The following INPP5D variants were observed in gnomAD, a reference collection of about 807,000 sequenced individuals.
INPP5D encodes phosphatidylinositol 3,4,5-trisphosphate 5-phosphatase 1.
INPP5D carries 33 observed loss-of-function variants against 122.9 expected under a neutral mutation model. The ratio of observed to expected loss-of-function variants is 0.27; its 90% confidence interval spans 0.20 to 0.36. The LOEUF (loss-of-function observed/expected upper bound fraction) is 0.36, where lower values mean the gene tolerates loss of function less well. Among genes scored for constraint, INPP5D ranks in the 10% least tolerant of loss-of-function variants. INPP5D has a pLI of 1.00. For missense variants in INPP5D, 1,053 were observed against 1,412.7 expected (o/e 0.75, Z 4.08); for synonymous variants, 584 against 576.2 (o/e 1.01, Z -0.19).
chr2:233,113,882 T>A (rs1488877104), intron 2 of INPP5D, among the ~76,000 whole-genome samples: 1 of 151,004 alleles, frequency 6.6e-6, no homozygotes, highest in Non-Finnish European at 1.5e-5. Context: ...AGCTTTTAAT[T>A]GCCTTTAGTG....
In INPP5D at chr2:233,197,095, CA is replaced by C. The variant is rs1214131814; in HGVS notation, c.2694-999del. ...AACGAGCATTTATTTCTGAAGCAGGCAGTGGTGGATGGGAACAAGGTACAGC... is the reference window on the plus strand; with the variant it reads ...AACGAGCATTTATTTCTGAAGCAGGCGTGGTGGATGGGAACAAGGTACAGC... On this transcript the variant is annotated intron_variant, in intron 24 of 26. Coordinates refer to ENST00000445964, the MANE Select transcript of INPP5D (RefSeq NM_001017915.3). This position sits in a 1 kb window ranked among gnomAD's most constrained non-coding sequence, Gnocchi z 4.4. Among the ~76,000 whole-genome samples, 2 of 152,180 alleles carry C rather than the reference CA, an allele frequency of 1.3e-5. No homozygotes were observed. Among genetic ancestry groups the C allele is most frequent in the East Asian group, 3.9e-4 (2 of 5,192 alleles).
In INPP5D at chr2:233,139,466, C is replaced by CTGTGTGTGTGTGTG. The variant is rs1191977468; in HGVS notation, c.666-350_666-337dup. On this transcript the variant is annotated intron_variant, in intron 5 of 26. Coordinates refer to ENST00000445964, the MANE Select transcript of INPP5D (RefSeq NM_001017915.3). The stretch of plus-strand genomic sequence containing the variant: ...GCCCAGAAATTTGCATTGTTAACAC[C>CTGTGTGTGTGTGTG]TGTGTGTGTGTGTGTGTGTGTGTGT... Among the ~76,000 whole-genome samples, 285 of 147,550 alleles carry CTGTGTGTGTGTGTG rather than the reference C, an allele frequency of 1.9e-3. 1 individual carries two copies. Among genetic ancestry groups the CTGTGTGTGTGTGTG allele is most frequent in the African/African-American group, 6.4e-3 (258 of 40,174 alleles).
chr2:233,111,208 TC>T (rs1390838866), intron 2 of INPP5D, among the ~76,000 whole-genome samples: 1 of 152,214 alleles, frequency 6.6e-6, no homozygotes, highest in South Asian at 2.1e-4. Flanking sequence ...GTAACCACAT[TC>T]AACCGTCAAA....
Position 233,198,132 on chromosome 2 carries a change from A to G in INPP5D, c.2731A>G (p.Ile911Val). Reference sequence around the variant, plus strand: ...CAGTGGCTCCAGCATCACTGAAATCATCAACCCCAACTACATGGGAGTGGG... The same window carrying G: ...CAGTGGCTCCAGCATCACTGAAATCGTCAACCCCAACTACATGGGAGTGGG... Reference protein sequence around the residue: ...PCSGSSITEIINPNYMGVGPF... With the variant: ...PCSGSSITEIVNPNYMGVGPF... Residue 911 changes from isoleucine to valine, a missense_variant, in exon 25 of 27, where the codon ATC becomes GTC. Transcript: ENST00000445964. The G allele has an allele frequency of 6.2e-7, 1 of 1,612,568 alleles. No individual in the cohort carries two copies. Among genetic ancestry groups the G allele is most frequent in the South Asian group, 1.1e-5 (1 of 91,034 alleles).
intron 2 of INPP5D, among the ~76,000 whole-genome samples, chr2:233,089,909 G>A (rs1487317026): frequency 6.6e-6 from 1 of 152,238 alleles, no homozygotes; most frequent in Non-Finnish European, 1.5e-5. Context: ...TCAAGTGGGA[G>A]GAAATGAATG....
rs559809501 is a variant in INPP5D, at chr2:233,061,044, G to A, written c.134+432G>A. On this transcript the variant is annotated intron_variant, in intron 1 of 26. Coordinates refer to ENST00000445964, the MANE Select transcript of INPP5D (RefSeq NM_001017915.3). The stretch of plus-strand genomic sequence containing the variant: ...ACCCTTCCTGGAGCACCCAGGCTTC[G>A]GGCCCCTGGAGGAAGCTGTTGTTTG... Among the ~76,000 whole-genome samples the A allele has an allele frequency of 5.3e-5, 8 of 152,322 alleles. No homozygotes were observed. In the South Asian group the frequency reaches 1.4e-3, roughly 28 times the overall value.
intron 9 of INPP5D, 122 bp downstream of exon 9, chr2:233,147,716 G>A (rs1450185612): frequency 4.1e-5 from 26 of 629,512 alleles, no homozygotes; most frequent in Non-Finnish European, 5.2e-5. Flanking sequence ...GCGCGCCTGC[G>A]CTCATGCTTT....
Position 233,105,904 on chromosome 2 carries a change from G to A in INPP5D, c.199-16203G>A, listed in dbSNP as rs577043706. ...AGGCCTGCACAGGGGATGAGATGAAGGGACAGTGGCCACTGGGAGGTCAGA... is the reference window on the plus strand; with the variant it reads ...AGGCCTGCACAGGGGATGAGATGAAAGGACAGTGGCCACTGGGAGGTCAGA... On this transcript the variant is annotated intron_variant, in intron 2 of 26. Coordinates refer to ENST00000445964, the MANE Select transcript of INPP5D (RefSeq NM_001017915.3). This position sits in a 1 kb window ranked among gnomAD's most constrained non-coding sequence, Gnocchi z 4.0. Among the ~76,000 whole-genome samples, 25 of 152,232 alleles carry A rather than the reference G, an allele frequency of 1.6e-4. No homozygotes were observed. Among genetic ancestry groups the A allele is most frequent in the African/African-American group, 6.0e-4 (25 of 41,532 alleles).
intron 1 of INPP5D, among the ~76,000 whole-genome samples, chr2:233,071,773 A>G (rs1444181511): frequency 6.6e-6 from 1 of 152,208 alleles, no homozygotes; most frequent in Non-Finnish European, 1.5e-5. Context: ...ACTATTGTGA[A>G]TACATTTTCC....
At chr2:233,092,254 C>G (rs1366958883) in intron 2 of INPP5D, among the ~76,000 whole-genome samples, 2 of 152,222 alleles carry the variant, frequency 1.3e-5, no homozygotes, top group Non-Finnish European at 1.5e-5. Context: ...CCAGGCTGCT[C>G]CCAGGGCTGG....
At position 233,188,382 on chromosome 2, in the gene INPP5D, C is replaced by CTGA. The variant is rs1694971146; in HGVS notation, c.2359-1468_2359-1467insTGA. ...AGACATTTGTTGTTCAGATGTCTGTCACCCCATTTCCACTCCATCCCAGGG... is the reference window on the plus strand; with the variant it reads ...AGACATTTGTTGTTCAGATGTCTGTCTGAACCCCATTTCCACTCCATCCCAGGG... On this transcript the variant is annotated intron_variant, in intron 21 of 26. Transcript: ENST00000445964. The surrounding 1 kb of genome is among the most constrained non-coding windows in gnomAD (Gnocchi z 4.7). 2.0e-5 allele frequency among the ~76,000 whole-genome samples: 3 copies of CTGA among 152,238 alleles called. No homozygotes were observed. In the South Asian group the frequency reaches 6.2e-4, roughly 32 times the overall value.
intron 25 of INPP5D, among the ~76,000 whole-genome samples, chr2:233,199,679 A>G (rs1014545421): frequency 6.6e-6 from 1 of 151,366 alleles, no homozygotes; most frequent in Non-Finnish European, 1.5e-5. Context: ...AATACAAAAA[A>G]TTAGCTAGAT....
At chr2:233,126,090 T>C (rs1430858691) in intron 4 of INPP5D, among the ~76,000 whole-genome samples, 171 bp downstream of exon 4, 2 of 152,140 alleles carry the variant, frequency 1.3e-5, no homozygotes, top group Non-Finnish European at 2.9e-5. Flanking sequence ...CTTTGCACCA[T>C]TGGCTTCAAG....
intron 10 of INPP5D, 47 bp downstream of exon 10, chr2:233,158,466 A>T: frequency 3.0e-6 from 2 of 677,056 alleles, no homozygotes; most frequent in Non-Finnish European, 2.7e-6. Flanking sequence ...TAGGGAGGGG[A>T]CACAAGCGTT....
At chr2:233,141,123 G>C (rs1421820550) in intron 6 of INPP5D, 1 of 152,132 alleles carries the variant, frequency 6.6e-6, no homozygotes, top group Non-Finnish European at 1.5e-5. Context: ...CTCCTCTGCT[G>C]TTGGGAATGG....
At chr2:233,148,998 T>C (rs1290795803) in intron 9 of INPP5D, among the ~76,000 whole-genome samples, 1 of 152,196 alleles carries the variant, frequency 6.6e-6, no homozygotes, top group African/African-American at 2.4e-5. Flanking sequence ...CATGCAATAT[T>C]TGGGACATAC....
chr2:233,119,479 A>G (rs1011893264), intron 2 of INPP5D, among the ~76,000 whole-genome samples: 1 of 152,096 alleles, frequency 6.6e-6, no homozygotes, highest in African/African-American at 2.4e-5. Context: ...TGCTGCTCAG[A>G]TATTTCTGGT....
In INPP5D at chr2:233,176,356, G is replaced by A. The variant is rs368238675; in HGVS notation, c.1990-909G>A. On this transcript the variant is annotated intron_variant, in intron 17 of 26. Coordinates refer to ENST00000445964, the MANE Select transcript of INPP5D (RefSeq NM_001017915.3). The stretch of plus-strand genomic sequence containing the variant: ...GGATGGATGGATGGATGGATGGATG[G>A]ATAGGCGAATGGATAGGTGGGTGGG... 7.7e-3 allele frequency among the ~76,000 whole-genome samples: 1,064 copies of A among 139,022 alleles called. 20 individuals are homozygous for A. The highest frequency in any genetic ancestry group is 0.01 in the Non-Finnish European group (672 of 65,180). 91.2% of individuals were successfully genotyped at this position (139,022 alleles called of 152,430 possible). A position where few individuals can be genotyped will look rare whatever the true frequency, so the allele number is the denominator to read the frequency against.
chr2:233,066,213 C>T (rs891657925), intron 1 of INPP5D, among the ~76,000 whole-genome samples: 11 of 152,022 alleles, frequency 7.2e-5, no homozygotes, highest in Admixed American at 2.6e-4. Context: ...CTTGGCCTCC[C>T]GAAGTGCTGG....
Sources: gnomAD v4.1 joint callset for allele counts (sites outside exome capture counted in the v4.1 genomes callset) on GRCh38, gnomAD v4.1.1 for gene constraint, Gnocchi (gnomAD v3.1) non-coding constraint, MANE v1.5 for transcripts, NCBI Gene and HGNC (gene_info 2026-07-23, HGNC 2026-07-21) for gene names.